REPS1: variants seen among roughly 807,000 people sequenced by gnomAD.
REPS1 encodes the protein RALBP1 associated Eps domain containing 1.
A neutral mutation model predicts 100.9 loss-of-function variants in REPS1; 39 were observed. That is an observed-to-expected ratio of 0.39 (90% CI 0.30 to 0.50). The LOEUF (loss-of-function observed/expected upper bound fraction) is 0.50, where lower values mean the gene tolerates loss of function less well. Among genes scored for constraint, REPS1 ranks in the 20% least tolerant of loss-of-function variants. REPS1 has a pLI of 0.86. For missense variants in REPS1, 821 were observed against 968.5 expected, an observed-to-expected ratio of 0.85 and a Z score of 2.02; for synonymous variants, 324 against 340.3, an observed-to-expected ratio of 0.95 and a Z score of 0.53.
At chr6:138,963,360 T>C (rs73563038) in intron 1 of REPS1, among the ~76,000 whole-genome samples, 13,374 of 152,128 alleles carry the variant, frequency 0.088, 1,233 homozygotes, top group African/African-American at 0.23. Context: ...ACTAAGCTCC[T>C]TGGGGGCAGG....
intron 15 of REPS1, among the ~76,000 whole-genome samples, chr6:138,913,394 C>G (rs1431914964): frequency 3.9e-5 from 6 of 152,136 alleles, no homozygotes; most frequent in Non-Finnish European, 8.8e-5. Flanking sequence ...ATCCTCCCAA[C>G]ATGTCAGGAA....
rs1562577544 is a variant in REPS1, at chr6:138,988,184, C to T, written c.-502G>A. On this transcript the variant is annotated 5_prime_UTR_variant, in exon 1 of 20. Coordinates refer to ENST00000450536, the MANE Select transcript of REPS1 (RefSeq NM_001286611.2). ...GGGGATCTGGGCTGAGCGTGGCCGC[C>T]GCTCCGCCTCCCTCCGCCGCCATTT... 2 of 398,518 alleles carry T rather than the reference C, an allele frequency of 5.0e-6. No individual in the cohort carries two copies. Among genetic ancestry groups the T allele is most frequent in the Non-Finnish European group, 8.8e-6 (2 of 226,112 alleles). The allele number at this position is 398,518 out of a possible 1,614,324, so 24.7% of individuals were successfully genotyped here.
intron 1 of REPS1, among the ~76,000 whole-genome samples, chr6:138,969,053 G>T (rs1784169650): frequency 6.6e-6 from 1 of 152,044 alleles, no homozygotes; most frequent in South Asian, 2.1e-4. Context: ...TCTCAATATT[G>T]TATAGAATGT....
At chr6:138,979,202 A>AAAAAAAAAAAAAAAG (rs1784787609) in intron 1 of REPS1, among the ~76,000 whole-genome samples, 1 of 150,508 alleles carries the variant, frequency 6.6e-6, no homozygotes, top group African/African-American at 2.4e-5. Flanking sequence ...AAAAAACAAA[A>AAAAAAAAAAAAAAAG]AAAAAAAACT....
chr6:138,906,613 A>ATGAGGAGCATGAACAGAATG (rs1264953081), intron 19 of REPS1, among the ~76,000 whole-genome samples: 1 of 152,228 alleles, frequency 6.6e-6, no homozygotes, highest in African/African-American at 2.4e-5. Flanking sequence ...TAAATGCTAA[A>ATGAGGAGCATGAACAGAATG]TGAGGAGCAT....
chr6:138,917,279 G>A lies in REPS1; in HGVS notation c.1601+276C>T, dbSNP rs566449072. 3.3e-5 allele frequency among the ~76,000 whole-genome samples: 5 copies of A among 152,270 alleles called. No individual in the cohort carries two copies. In the South Asian group the frequency reaches 8.3e-4, roughly 25 times the overall value. On this transcript the variant is annotated intron_variant, in intron 13 of 19. Coordinates refer to ENST00000450536, the MANE Select transcript of REPS1 (RefSeq NM_001286611.2). ...TACATGTATTACTTGACAGATTCTC[G>A]TTGTTTAGGTACAAAAAGGACTTAT...
In REPS1 at chr6:138,918,469, C is replaced by G. The variant is rs577368443; in HGVS notation, c.1529-842G>C. ...ATTACAATTTCACATTAGATACAAA[C>G]ATAACTTACATATGTGCAGAATGAG... On this transcript the variant is annotated intron_variant, in intron 12 of 19. Transcript: ENST00000450536. Among the ~76,000 whole-genome samples the G allele has an allele frequency of 6.6e-5, 10 of 152,204 alleles. No homozygotes were observed. In the East Asian group the frequency reaches 1.9e-3, roughly 29 times the overall value.
At chr6:138,967,683 T>C (rs1784097965) in intron 1 of REPS1, among the ~76,000 whole-genome samples, 1 of 152,068 alleles carries the variant, frequency 6.6e-6, no homozygotes, top group African/African-American at 2.4e-5. Flanking sequence ...AATGAACATA[T>C]ACAAACATCA....
chr6:138,935,699 C>T (rs977658314), intron 8 of REPS1, among the ~76,000 whole-genome samples: 1 of 151,770 alleles, frequency 6.6e-6, no homozygotes, highest in Non-Finnish European at 1.5e-5. Flanking sequence ...ACTAAAAATA[C>T]AAAAATTAGC....
chr6:138,973,363 A>G (rs561200999), intron 1 of REPS1, among the ~76,000 whole-genome samples: 1 of 152,302 alleles, frequency 6.6e-6, no homozygotes, highest in East Asian at 1.9e-4. Context: ...GATAAAAATT[A>G]TGAAGGAAAC....
In REPS1 at chr6:138,944,526, A is replaced by C; in HGVS notation, c.725T>G (p.Leu242Arg). Reference protein sequence around the residue: ...SFADTPPTSTLLTMHPASVQD... With the variant: ...SFADTPPTSTRLTMHPASVQD... ...GACAGAAGCAGGATGCATGGTTAAA[A>C]GAGTACTGGTTGGTGGAGTATCTGC... The change falls in exon 5 of 20, where the codon CTT becomes CGT. Residue 242 changes from leucine to arginine, a missense_variant. This residue lies in a region of REPS1 where 757 missense variants were observed against 866.4 expected (regional missense o/e 0.87). Coordinates refer to ENST00000450536, the MANE Select transcript of REPS1 (RefSeq NM_001286611.2). The C allele has an allele frequency of 1.9e-6, 3 of 1,614,134 alleles. No individual in the cohort carries two copies. The highest frequency in any genetic ancestry group is 2.5e-6 in the Non-Finnish European group (3 of 1,179,966).
At chr6:138,943,805 G>A (rs563804167) in intron 6 of REPS1, 48 bp downstream of exon 6, 1 of 1,463,830 alleles carries the variant, frequency 6.8e-7, no homozygotes. Context: ...TTATGAAATT[G>A]AGATTCTCCT....
chr6:138,924,986 A>G (rs1384186559), intron 10 of REPS1, among the ~76,000 whole-genome samples: 2 of 152,226 alleles, frequency 1.3e-5, no homozygotes, highest in Non-Finnish European at 2.9e-5. Flanking sequence ...AAAATTGTAC[A>G]TTATCTGTTT....
rs751664272 is a variant in REPS1 at position 138,987,727 on chromosome 6, G to A, written c.-45C>T. The A allele has an allele frequency of 6.8e-7, 1 of 1,479,784 alleles. No individual in the cohort carries two copies. The highest frequency in any genetic ancestry group is 1.8e-4 in the Middle Eastern group (1 of 5,704). The allele number at this position is 1,479,784 out of a possible 1,614,324, so 91.7% of individuals were successfully genotyped here. ...CCGCCCCGCCCCGCATGCACTACTCGGGGCCCGGCCCCAGGAACCTGGGCC... is the reference window on the plus strand; with the variant it reads ...CCGCCCCGCCCCGCATGCACTACTCAGGGCCCGGCCCCAGGAACCTGGGCC... On this transcript the variant is annotated 5_prime_UTR_variant, in exon 1 of 20. Coordinates refer to ENST00000450536, the MANE Select transcript of REPS1 (RefSeq NM_001286611.2).
intron 17 of REPS1, 181 bp from the exon 18 acceptor site, chr6:138,908,997 T>C: frequency 1.7e-6 from 1 of 576,408 alleles, no homozygotes; most frequent in Non-Finnish European, 3.0e-6. Flanking sequence ...AAAAGATGTT[T>C]CTAGTTGACA....
At chr6:138,910,247 G>A (rs548975182) in intron 17 of REPS1, among the ~76,000 whole-genome samples, 79 of 152,262 alleles carry the variant, frequency 5.2e-4, no homozygotes, top group African/African-American at 1.7e-3. Flanking sequence ...GTGACACACC[G>A]GCTCCCACTT....
intron 1 of REPS1, among the ~76,000 whole-genome samples, chr6:138,979,180 C>CAAAAAAAAAAAAAAAAAAA (rs568626153): frequency 2.2e-4 from 13 of 59,294 alleles, no homozygotes; most frequent in Non-Finnish European, 2.6e-4. Context: ...GAATCCATCA[C>CAAAAAAAAAAAAAAAAAAA]AAAAAAAAAA....
intron 18 of REPS1, 102 bp from the exon 19 acceptor site, chr6:138,907,702 A>G (rs931614576): frequency 6.7e-6 from 5 of 748,026 alleles, no homozygotes; most frequent in African/African-American, 3.5e-5. Context: ...AAGCAAAAAG[A>G]GCATCTTTTT....
intron 10 of REPS1, among the ~76,000 whole-genome samples, chr6:138,925,629 T>C (rs1307513930): frequency 6.6e-6 from 1 of 151,184 alleles, no homozygotes; most frequent in East Asian, 1.9e-4. Context: ...CTTTTCTTTT[T>C]GGAAAGTGCT....
Sources: gnomAD v4.1 joint callset for allele counts (sites outside exome capture counted in the v4.1 genomes callset) on GRCh38, gnomAD v4.1.1 for gene constraint, gnomAD v4.1.1 regional missense constraint, MANE v1.5 for transcripts, NCBI Gene and HGNC (gene_info 2026-07-23, HGNC 2026-07-21) for gene names.